Variants in ADGRL4 observed in about 807,000 individuals in gnomAD.
The protein encoded by ADGRL4 is EGF, latrophilin and seven transmembrane domain containing 1.
In ADGRL4, 90 loss-of-function variants were observed where a neutral mutation model predicts 74.8. That is an observed-to-expected ratio of 1.20 (90% CI 1.02 to 1.43). The LOEUF (loss-of-function observed/expected upper bound fraction) is 1.43. Ranked by LOEUF, ADGRL4 falls within the 40% of genes most tolerant of loss-of-function variation. The pLI is 0.00. For missense variants in ADGRL4, 881 were observed against 814.3 expected (o/e 1.08, Z -1.00); for synonymous variants, 311 against 279.2 (o/e 1.11, Z -1.14).
rs201808653 is a variant in ADGRL4 at position 78,891,141 on chromosome 1, C to G, written c.*13G>C. 58 of 1,610,834 alleles carry G rather than the reference C, an allele frequency of 3.6e-5. No homozygotes were observed. In the African/African-American group the frequency reaches 7.1e-4, roughly 20 times the overall value. On this transcript the variant is annotated 3_prime_UTR_variant, in exon 15 of 15. Coordinates refer to ENST00000370742, the MANE Select transcript of ADGRL4 (RefSeq NM_022159.4). ...ATTTTTGTGCAGTTGTAATTATCCACCATTCTCTATGTTTACCTTAAACAT... is the reference window on the plus strand; with the variant it reads ...ATTTTTGTGCAGTTGTAATTATCCAGCATTCTCTATGTTTACCTTAAACAT...
At chr1:78,940,749 G>C (rs147884659) in intron 3 of ADGRL4, among the ~76,000 whole-genome samples, 5 of 152,190 alleles carry the variant, frequency 3.3e-5, no homozygotes, top group Admixed American at 2.6e-4. Context: ...TAGAAAAAGG[G>C]TGTGTAACCA....
intron 3 of ADGRL4, among the ~76,000 whole-genome samples, chr1:78,944,703 A>T (rs1003023793): frequency 3.3e-5 from 5 of 152,212 alleles, no homozygotes; most frequent in African/African-American, 1.2e-4. Flanking sequence ...TTTAGATACA[A>T]GACTGTGAGT....
chr1:78,910,729 G>T (rs1648745400), intron 12 of ADGRL4, among the ~76,000 whole-genome samples: 1 of 151,898 alleles, frequency 6.6e-6, no homozygotes, highest in East Asian at 1.9e-4. Flanking sequence ...TTTGCAGCTT[G>T]CTTTACAAAG....
At chr1:78,983,330 C>A (rs527400266) in intron 2 of ADGRL4, among the ~76,000 whole-genome samples, 3 of 151,254 alleles carry the variant, frequency 2.0e-5, no homozygotes, top group Non-Finnish European at 4.4e-5. Flanking sequence ...ATATAGAATA[C>A]AAGGTAGCTA....
In ADGRL4 at chr1:78,938,126, C is replaced by A; in HGVS notation, c.550G>T (p.Asp184Tyr). 1 of 1,612,986 alleles carries A rather than the reference C, an allele frequency of 6.2e-7. No homozygotes were observed. The highest frequency in any genetic ancestry group is 8.5e-7 in the Non-Finnish European group (1 of 1,179,648). Residue 184 changes from aspartate to tyrosine, a missense_variant, in exon 5 of 15, where the codon GAC becomes TAC. Physicochemically the swap from Asp to Tyr is radical, Grantham distance 160. Coordinates refer to ENST00000370742, the MANE Select transcript of ADGRL4 (RefSeq NM_022159.4). ...GTAAGAGTTGAGTTAGAAAGGGTGTCCTTGGCTGAGATAGTGTTGTTCTTG... is the reference window on the plus strand; with the variant it reads ...GTAAGAGTTGAGTTAGAAAGGGTGTACTTGGCTGAGATAGTGTTGTTCTTG... ...GYKNNTISAK[D>Y]TLSNSTLTEF...
At chr1:78,922,924 A>G (rs956663158) in intron 8 of ADGRL4, among the ~76,000 whole-genome samples, 41 of 152,168 alleles carry the variant, frequency 2.7e-4, no homozygotes, top group Non-Finnish European at 5.9e-4. Flanking sequence ...TTCAAGGATG[A>G]TAGAAACTCA....
chr1:78,984,254 G>A (rs542773163), intron 2 of ADGRL4, among the ~76,000 whole-genome samples: 1 of 151,668 alleles, frequency 6.6e-6, no homozygotes, highest in East Asian at 1.9e-4. Context: ...TTAAAATACT[G>A]AACTATAAAA....
intron 2 of ADGRL4, among the ~76,000 whole-genome samples, chr1:78,947,722 G>C (rs140208022): frequency 6.6e-6 from 1 of 152,130 alleles, no homozygotes; most frequent in African/African-American, 2.4e-5. Flanking sequence ...GGACAAAGTT[G>C]CAGGCAGAAA....
rs201768435 is a variant in ADGRL4, at chr1:78,893,126, G to A, written c.1813C>T (p.Pro605Ser). The A allele has an allele frequency of 1.2e-4, 199 of 1,599,354 alleles. No homozygotes were observed. Among genetic ancestry groups the A allele is most frequent in the Non-Finnish European group, 1.6e-4 (184 of 1,174,290 alleles). Reference sequence around the variant, plus strand: ...ATGTTCTCAAAGCAACTAACTTCTGGTTTCAACCCTGCAGTGTGACGAAAA... The same window carrying A: ...ATGTTCTCAAAGCAACTAACTTCTGATTTCAACCCTGCAGTGTGACGAAAA... Reference protein sequence around the residue: ...KVFRHTAGLKPEVSCFENIRS... With the variant: ...KVFRHTAGLKSEVSCFENIRS... Residue 605 changes from proline to serine, a missense_variant, in exon 13 of 15, where the codon CCA becomes TCA. Coordinates refer to ENST00000370742, the MANE Select transcript of ADGRL4 (RefSeq NM_022159.4).
intron 3 of ADGRL4, among the ~76,000 whole-genome samples, chr1:78,941,011 A>G (rs1649464218): frequency 6.6e-6 from 1 of 152,168 alleles, no homozygotes; most frequent in African/African-American, 2.4e-5. Context: ...TCTTCTGACA[A>G]GTATATATAT....
intron 7 of ADGRL4, among the ~76,000 whole-genome samples, chr1:78,927,626 T>C (rs762405652): frequency 2.0e-5 from 3 of 152,120 alleles, no homozygotes; most frequent in South Asian, 2.1e-4. Flanking sequence ...AGAAAACTTA[T>C]TTGCTTGAGA....
intron 12 of ADGRL4, among the ~76,000 whole-genome samples, chr1:78,911,942 T>G (rs2100663493): frequency 6.6e-6 from 1 of 152,022 alleles, no homozygotes. Flanking sequence ...TCTTGCTTCC[T>G]CATTTATTAC....
chr1:78,930,578 G>A (rs1649219189), intron 7 of ADGRL4, among the ~76,000 whole-genome samples: 1 of 150,368 alleles, frequency 6.7e-6, no homozygotes, highest in Non-Finnish European at 1.5e-5. Flanking sequence ...AGCCACCTGA[G>A]TAGCTGGGAT....
intron 2 of ADGRL4, among the ~76,000 whole-genome samples, chr1:78,984,217 A>G (rs1382316820): frequency 1.3e-5 from 2 of 151,786 alleles, no homozygotes; most frequent in Non-Finnish European, 2.9e-5. Context: ...AATATTAATG[A>G]TTAATTTGAG....
intron 2 of ADGRL4, among the ~76,000 whole-genome samples, chr1:78,998,169 T>C (rs1054484389): frequency 3.6e-4 from 55 of 152,072 alleles, no homozygotes; most frequent in African/African-American, 1.2e-3. Context: ...TGCATTGAAC[T>C]GCCCCCTTTT....
chr1:78,998,049 G>T (rs1353736696), intron 2 of ADGRL4, among the ~76,000 whole-genome samples: 2 of 152,080 alleles, frequency 1.3e-5, no homozygotes, highest in East Asian at 3.9e-4. Context: ...TGTAGCCTTT[G>T]GAAAACAATG....
chr1:78,957,897 T>G (rs1164916042), intron 2 of ADGRL4, among the ~76,000 whole-genome samples: 3 of 152,208 alleles, frequency 2.0e-5, no homozygotes, highest in Non-Finnish European at 4.4e-5. Context: ...CACAGGCTGA[T>G]GCTCTTGTTA....
At chr1:78,895,725 C>A (rs1056303451) in intron 12 of ADGRL4, among the ~76,000 whole-genome samples, 1 of 151,714 alleles carries the variant, frequency 6.6e-6, no homozygotes, top group East Asian at 1.9e-4. Flanking sequence ...GTAAGCAAAG[C>A]GACGAGTGGC....
chr1:78,979,420 G>A (rs1167968699), intron 2 of ADGRL4, among the ~76,000 whole-genome samples: 1 of 151,840 alleles, frequency 6.6e-6, no homozygotes, highest in Non-Finnish European at 1.5e-5. Context: ...ACATCTTATG[G>A]CTCTAATTTG....
Sources: allele counts gnomAD v4.1 joint callset (sites outside exome capture counted in the v4.1 genomes callset), GRCh38; gene constraint gnomAD v4.1.1; transcripts MANE v1.5; gene names NCBI Gene and HGNC (gene_info 2026-07-23, HGNC 2026-07-21).